The following WDR44 variants were observed in gnomAD, a reference collection of about 807,000 sequenced individuals.
WDR44 encodes the protein WD repeat-containing protein 44.
WDR44 carries 9 observed loss-of-function variants against 65.7 expected under a neutral mutation model. The ratio of observed to expected loss-of-function variants is 0.14; its 90% CI spans 0.08 to 0.24. WDR44 has a LOEUF of 0.24. WDR44 is among the 10% of genes least tolerant of loss of function. WDR44 has a pLI of 1.00. For missense variants in WDR44, 425 were observed against 670.9 expected, an observed-to-expected ratio of 0.63 and a Z score of 4.05; for synonymous variants, 220 against 235.2, an observed-to-expected ratio of 0.94 and a Z score of 0.59.
At chrX:118,417,989 G>C (rs192512594) in intron 12 of WDR44, among the ~76,000 whole-genome samples, 15 of 111,383 alleles carry the variant, frequency 1.3e-4, no homozygotes, top group African/African-American at 4.9e-4. Flanking sequence ...AGACTTTCCA[G>C]AGCATTTTTC....
At chrX:118,405,033 GTTTTTCT>G (rs1051982049) in intron 9 of WDR44, among the ~76,000 whole-genome samples, 6 of 110,206 alleles carry the variant, frequency 5.4e-5, no homozygotes, top group African/African-American at 2.0e-4. Context: ...TTGGTTTTGG[GTTTTTCT>G]TTTTTCTTTT....
In WDR44 at chrX:118,396,630, AAGT is replaced by A. The variant is rs746518380; in HGVS notation, c.1054-337_1054-335del. ...GAATAGGCAAATCTATAGAGACAGA[AAGT>A]AGATTGGTATTTGCCAGGGGCTAAA... On this transcript the variant is annotated intron_variant, in intron 6 of 19. Coordinates refer to ENST00000254029, the MANE Select transcript of WDR44 (RefSeq NM_019045.5). Among the ~76,000 whole-genome samples, 386 of 111,889 alleles carry A rather than the reference AAGT, an allele frequency of 3.4e-3. 2 individuals carry two copies. The highest frequency in any genetic ancestry group is 0.012 in the African/African-American group (371 of 30,891).
At position 118,397,824 on chromosome X, in the gene WDR44, A is replaced by G. The variant is rs183434004; in HGVS notation, c.1191-563A>G. 3.0e-3 allele frequency among the ~76,000 whole-genome samples: 341 copies of G among 112,313 alleles called. 3 individuals are homozygous for G. Among genetic ancestry groups the G allele is most frequent in the Middle Eastern group, 0.014 (3 of 217 alleles). On this transcript the variant is annotated intron_variant, in intron 7 of 19. Transcript: ENST00000254029. ...TTGCCAAGCAAAAAGGTTTGTTTGT[A>G]GTAGGTTTTTCATAAATTTCTAAAT...
chrX:118,369,541 C>G (rs1372853163), intron 1 of WDR44, among the ~76,000 whole-genome samples: 1 of 97,069 alleles, frequency 1.0e-5, no homozygotes, highest in Non-Finnish European at 2.0e-5. Flanking sequence ...GGGATCTCGG[C>G]TCACTGCAAG....
intron 6 of WDR44, among the ~76,000 whole-genome samples, chrX:118,396,472 A>C (rs2056866890): frequency 8.9e-6 from 1 of 112,432 alleles, no homozygotes; most frequent in African/African-American, 3.2e-5. Context: ...ATTTTTTAGC[A>C]ATTAAAAGGA....
chrX:118,424,804 C>T (rs1455897596), intron 12 of WDR44, among the ~76,000 whole-genome samples: 1 of 110,818 alleles, frequency 9.0e-6, no homozygotes, highest in Non-Finnish European at 1.9e-5. Flanking sequence ...AAGTTTTTTT[C>T]CTGTTTTCTT....
intron 9 of WDR44, 119 bp downstream of exon 9, chrX:118,404,563 T>G (rs1421928198): frequency 6.4e-6 from 3 of 468,820 alleles, no homozygotes; most frequent in Non-Finnish European, 1.0e-5. Context: ...GCTGACATCT[T>G]AGTATTTCAA....
chrX:118,439,373 C>T lies in WDR44; in HGVS notation c.1975-1995C>T, dbSNP rs191709146. The stretch of plus-strand genomic sequence containing the variant: ...GGTGGATCACCTGAGGTCAGGAGTT[C>T]AAGACCAGCCTGGCCAACATGGTGA... On this transcript the variant is annotated intron_variant, in intron 14 of 19. Transcript: ENST00000254029. 8.6e-3 allele frequency among the ~76,000 whole-genome samples: 928 copies of T among 107,319 alleles called. 6 individuals are homozygous for T. Among genetic ancestry groups the T allele is most frequent in the African/African-American group, 0.028 (825 of 29,500 alleles). 93.2% of individuals were successfully genotyped at this position (107,319 alleles called of 115,157 possible). A position where few individuals can be genotyped will look rare whatever the true frequency, so the allele number is the denominator to read the frequency against.
intron 12 of WDR44, among the ~76,000 whole-genome samples, chrX:118,425,778 A>G (rs1486174077): frequency 1.8e-5 from 2 of 111,937 alleles, no homozygotes; most frequent in East Asian, 5.6e-4. Flanking sequence ...CAACTTTATA[A>G]TATCTTTAGA....
rs753763273 is a variant in WDR44 at position 118,432,849 on chromosome X, A to C, written c.1806A>C (p.Lys602Asn). The C allele has an allele frequency of 1.7e-6, 2 of 1,210,244 alleles. No homozygotes were observed. The highest frequency in any genetic ancestry group is 3.5e-5 in the African/African-American group (2 of 57,415). The change falls in exon 13 of 20, where the codon AAA (lysine) becomes AAC (asparagine). Residue 602 changes from lysine (K) to asparagine (N), a missense_variant. By Grantham distance (94) the Lys-to-Asn change is moderately conservative (BLOSUM62 0). Coordinates refer to ENST00000254029, the MANE Select transcript of WDR44 (RefSeq NM_019045.5). ...CCTTTCGGCAACGGCCATTTTGCAA[A>C]TATAAAGGACATACTGCTGATCTCC... ...NAPFRQRPFC[K>N]YKGHTADLLD... is the part of the protein sequence containing the mutation.
In WDR44 at chrX:118,346,694, C is replaced by G. The variant is rs2056353904; in HGVS notation, c.77+114C>G. 11 of 591,242 alleles carry G rather than the reference C, an allele frequency of 1.9e-5. No individual in the cohort carries two copies. In the South Asian group the frequency reaches 3.3e-4, roughly 18 times the overall value. The allele number at this position is 591,242 out of a possible 1,213,427, so 48.7% of individuals were successfully genotyped here. Reference sequence around the variant, plus strand: ...CTGTGTCCGCCACCGCTGTTCCTCCCCGTCTCACTGGAGGACTTCAGAACC... The same window carrying G: ...CTGTGTCCGCCACCGCTGTTCCTCCGCGTCTCACTGGAGGACTTCAGAACC... On this transcript the variant is annotated intron_variant, in intron 1 of 19. Transcript: ENST00000254029.
At chrX:118,361,414 C>T (rs766740436) in intron 1 of WDR44, among the ~76,000 whole-genome samples, 1 of 111,801 alleles carries the variant, frequency 8.9e-6, no homozygotes, top group East Asian at 2.8e-4. Flanking sequence ...TGGTCTCTGG[C>T]TCTTTGAAAC....
At chrX:118,437,417 G>A (rs1162524242) in intron 14 of WDR44, among the ~76,000 whole-genome samples, 4 of 111,665 alleles carry the variant, frequency 3.6e-5, no homozygotes, top group Non-Finnish European at 7.5e-5. Context: ...GCCACCAAAT[G>A]CTTAAGGCTA....
At chrX:118,381,499 G>A (rs1313992819) in intron 2 of WDR44, among the ~76,000 whole-genome samples, 1 of 109,793 alleles carries the variant, frequency 9.1e-6, no homozygotes, top group African/African-American at 3.3e-5. Flanking sequence ...AAAGAACTCT[G>A]ATCTTTAAAA....
intron 1 of WDR44, among the ~76,000 whole-genome samples, chrX:118,368,463 A>G (rs1402781117): frequency 1.1e-5 from 1 of 93,629 alleles, no homozygotes; most frequent in Non-Finnish European, 2.0e-5. Flanking sequence ...TAGTGACTAT[A>G]TATATATATA....
intron 2 of WDR44, among the ~76,000 whole-genome samples, chrX:118,384,324 T>C (rs1569364584): frequency 8.9e-6 from 1 of 111,800 alleles, no homozygotes. Flanking sequence ...TACATTCTAG[T>C]GGGACAGGGA....
rs568701067 is a variant in WDR44, at chrX:118,349,263, T to C, written c.77+2683T>C. Reference sequence around the variant, plus strand: ...TCTTTTTTCTTTTCTTTTTTTTTTTTTCCAAGATAGGGTCTCACTCTGTTG... The same window carrying C: ...TCTTTTTTCTTTTCTTTTTTTTTTTCTCCAAGATAGGGTCTCACTCTGTTG... On this transcript the variant is annotated intron_variant, in intron 1 of 19. Coordinates refer to ENST00000254029, the MANE Select transcript of WDR44 (RefSeq NM_019045.5). Among the ~76,000 whole-genome samples the C allele has an allele frequency of 7.1e-4, 78 of 109,975 alleles. 1 individual carries two copies. The highest frequency in any genetic ancestry group is 2.5e-3 in the African/African-American group (76 of 30,223).
chrX:118,386,402 AAT>A (rs746499482), intron 2 of WDR44: 1,054 of 320,139 alleles, frequency 3.3e-3, no homozygotes, highest in Admixed American at 6.0e-3. Flanking sequence ...TAACCTCCCA[AAT>A]ATATATATAT....
intron 11 of WDR44, among the ~76,000 whole-genome samples, chrX:118,410,351 T>C (rs2057002932): frequency 8.9e-6 from 1 of 112,022 alleles, no homozygotes. Flanking sequence ...GGAGATTCAC[T>C]AAACTGGCAA....
Sources: allele counts gnomAD v4.1 joint callset (sites outside exome capture counted in the v4.1 genomes callset), GRCh38; gene constraint gnomAD v4.1.1; transcripts MANE v1.5; gene names NCBI Gene and HGNC (gene_info 2026-07-23, HGNC 2026-07-21).